ZCCHC7: variants seen among roughly 807,000 people sequenced by gnomAD.
The protein encoded by ZCCHC7 is zinc finger CCHC domain-containing protein 7.
In ZCCHC7, 35 loss-of-function variants were observed where a neutral mutation model predicts 52.0. The observed-to-expected ratio is 0.67, with a 90% CI of 0.51 to 0.89. ZCCHC7 has a LOEUF of 0.89. ZCCHC7 is among the 40% of genes least tolerant of loss of function. The probability of loss-of-function intolerance (pLI) is 0.00; values close to 1 mark genes in which losing one functional copy is unlikely to be tolerated. For synonymous variants in ZCCHC7, 217 were observed against 221.5 expected (o/e 0.98, Z 0.18); for missense variants, 574 against 649.1 (o/e 0.88, Z 1.26).
intron 2 of ZCCHC7, among the ~76,000 whole-genome samples, chr9:37,162,120 G>A (rs1403602751): frequency 1.3e-5 from 2 of 152,116 alleles, no homozygotes; most frequent in Admixed American, 6.6e-5. Context: ...ATAGATGGCT[G>A]TTAGCAAAGT....
intron 6 of ZCCHC7, among the ~76,000 whole-genome samples, chr9:37,339,286 CA>C (rs779155947): frequency 6.6e-6 from 1 of 152,134 alleles, no homozygotes; most frequent in South Asian, 2.1e-4. Context: ...TTTGCCAGAA[CA>C]GTGTACAAAT....
chr9:37,173,766 G>T (rs977006955), intron 2 of ZCCHC7, among the ~76,000 whole-genome samples: 9 of 152,128 alleles, frequency 5.9e-5, no homozygotes, highest in Non-Finnish European at 1.2e-4. Flanking sequence ...AAACTTGTGA[G>T]AGAAACTTAA....
intron 2 of ZCCHC7, among the ~76,000 whole-genome samples, chr9:37,247,892 C>A (rs1826147062): frequency 6.6e-6 from 1 of 151,720 alleles, no homozygotes; most frequent in Non-Finnish European, 1.5e-5. Flanking sequence ...CAAAGTGAGA[C>A]CCTGTCTCAA....
intron 2 of ZCCHC7, among the ~76,000 whole-genome samples, chr9:37,206,550 C>T (rs1409353259): frequency 6.6e-6 from 1 of 152,020 alleles, no homozygotes; most frequent in African/African-American, 2.4e-5. Flanking sequence ...TGGGTTTTGC[C>T]CATGTTGCCC....
intron 2 of ZCCHC7, among the ~76,000 whole-genome samples, chr9:37,178,351 AC>A (rs1394782025): frequency 4.5e-4 from 60 of 132,694 alleles, no homozygotes; most frequent in African/African-American, 1.7e-3. Context: ...TACCATTTGT[AC>A]CCCCACCTCC....
intron 2 of ZCCHC7, among the ~76,000 whole-genome samples, chr9:37,277,655 G>C (rs1827745557): frequency 6.6e-6 from 1 of 152,144 alleles, no homozygotes. Context: ...ACACCATGGG[G>C]GTGATTAGAA....
chr9:37,132,177 A>G (rs1233318487), intron 2 of ZCCHC7, among the ~76,000 whole-genome samples: 1 of 152,128 alleles, frequency 6.6e-6, no homozygotes, highest in Non-Finnish European at 1.5e-5. Flanking sequence ...GATGCACCGA[A>G]GGAAGTCAGC....
intron 6 of ZCCHC7, among the ~76,000 whole-genome samples, chr9:37,343,343 C>T (rs139986453): frequency 6.6e-6 from 1 of 152,194 alleles, no homozygotes; most frequent in Non-Finnish European, 1.5e-5. Flanking sequence ...TGTGCTGATG[C>T]AGTTTTTTAG....
At chr9:37,168,205 T>C (rs763276044) in intron 2 of ZCCHC7, among the ~76,000 whole-genome samples, 2 of 152,224 alleles carry the variant, frequency 1.3e-5, no homozygotes, top group African/African-American at 2.4e-5. Flanking sequence ...CTAGATGTCT[T>C]TCATGGATTA....
chr9:37,306,725 AG>A (rs1408714997), intron 5 of ZCCHC7, among the ~76,000 whole-genome samples: 1 of 128,220 alleles, frequency 7.8e-6, no homozygotes, highest in Admixed American at 8.7e-5. Flanking sequence ...GGCCTCCCAA[AG>A]TGCTGGGATT....
intron 2 of ZCCHC7, among the ~76,000 whole-genome samples, chr9:37,160,738 T>C (rs1199855758): frequency 6.6e-6 from 1 of 151,898 alleles, no homozygotes; most frequent in African/African-American, 2.4e-5. Context: ...ATACAAAAAT[T>C]AGCCGGGTGT....
intron 2 of ZCCHC7, among the ~76,000 whole-genome samples, chr9:37,176,968 C>G (rs1166344398): frequency 6.6e-6 from 1 of 152,172 alleles, no homozygotes; most frequent in African/African-American, 2.4e-5. Context: ...ACTGATGCCT[C>G]AGTCCTACCC....
chr9:37,289,440 C>T (rs148347614), intron 2 of ZCCHC7, among the ~76,000 whole-genome samples: 413 of 152,156 alleles, frequency 2.7e-3, no homozygotes, highest in African/African-American at 7.7e-3. Context: ...TGAGTCACCA[C>T]GCCTGGCCTC....
intron 2 of ZCCHC7, among the ~76,000 whole-genome samples, chr9:37,268,726 G>A (rs1378671026): frequency 1.3e-5 from 2 of 152,082 alleles, no homozygotes; most frequent in Non-Finnish European, 2.9e-5. Context: ...GCGCCCGGCC[G>A]CAAAATTTCT....
At chr9:37,132,777 C>G (rs894102729) in intron 2 of ZCCHC7, among the ~76,000 whole-genome samples, 1 of 152,106 alleles carries the variant, frequency 6.6e-6, no homozygotes, top group Non-Finnish European at 1.5e-5. Context: ...CTTCCATGGG[C>G]CACATTGGAA....
At chr9:37,164,494 T>C (rs908084264) in intron 2 of ZCCHC7, among the ~76,000 whole-genome samples, 79 of 123,246 alleles carry the variant, frequency 6.4e-4, no homozygotes, top group East Asian at 1.9e-3. Context: ...GATAGATAGA[T>C]AGATAGACAG....
intron 5 of ZCCHC7, among the ~76,000 whole-genome samples, chr9:37,317,955 A>G (rs1829894241): frequency 6.6e-6 from 1 of 151,816 alleles, no homozygotes. Flanking sequence ...TATCTGTAAT[A>G]TATAAAAAGC....
intron 2 of ZCCHC7, among the ~76,000 whole-genome samples, chr9:37,145,316 A>G (rs1439953771): frequency 6.6e-6 from 1 of 151,820 alleles, no homozygotes; most frequent in Non-Finnish European, 1.5e-5. Flanking sequence ...TTCCTGTTGT[A>G]TTTTTTTAAT....
intron 5 of ZCCHC7, among the ~76,000 whole-genome samples, chr9:37,316,789 A>G (rs1269070798): frequency 2.6e-5 from 4 of 151,964 alleles, no homozygotes; most frequent in Non-Finnish European, 5.9e-5. Flanking sequence ...TTTTCCATAA[A>G]TGAGTTGATC....
Sources: gnomAD v4.1 joint callset for allele counts (sites outside exome capture counted in the v4.1 genomes callset) on GRCh38, gnomAD v4.1.1 for gene constraint, MANE v1.5 for transcripts, NCBI Gene and HGNC (gene_info 2026-07-23, HGNC 2026-07-21) for gene names.